The following ATE1 variants were observed in gnomAD, a reference collection of about 807,000 sequenced individuals.
The protein encoded by ATE1 is arginyltransferase 1.
A neutral mutation model predicts 70.5 loss-of-function variants in ATE1; 36 were observed. The ratio of observed to expected loss-of-function variants is 0.51; its 90% CI spans 0.39 to 0.67. ATE1 has a LOEUF of 0.67. Ranked by LOEUF, ATE1 falls within the 30% of genes least tolerant of loss-of-function variation. ATE1 has a pLI of 0.00. For missense variants in ATE1, 593 were observed against 629.5 expected (o/e 0.94, Z 0.62); for synonymous variants, 232 against 219.3 (o/e 1.06, Z -0.51).
chr10:121,927,239 G>A, intron 1 of ATE1: 2 of 985,346 alleles, frequency 2.0e-6, no homozygotes, highest in Non-Finnish European at 2.4e-6. Context: ...GGAAAGACAC[G>A]GCATATAAGC....
rs575134965 is a variant in ATE1 at position 121,911,491 on chromosome 10, T to C, written c.338-340A>G. Among the ~76,000 whole-genome samples the C allele has an allele frequency of 1.1e-4, 16 of 150,334 alleles. No homozygotes were observed. The South Asian group carries it at 3.4e-3, about 32-fold the overall frequency. ...ACTGTGGCGCCCTAGCAGGGCAATGTACTGCCAGTCCCTTTACAAGTGGTG... is the reference window on the plus strand; with the variant it reads ...ACTGTGGCGCCCTAGCAGGGCAATGCACTGCCAGTCCCTTTACAAGTGGTG... On this transcript the variant is annotated intron_variant, in intron 4 of 11. Coordinates refer to ENST00000224652, the MANE Select transcript of ATE1 (RefSeq NM_001001976.3).
rs1340024372 is a variant in ATE1, at chr10:121,928,002, C to G, written c.-53G>C. The G allele has an allele frequency of 1.0e-5, 14 of 1,392,766 alleles. No individual in the cohort carries two copies. Among genetic ancestry groups the G allele is most frequent in the Non-Finnish European group, 1.1e-5 (12 of 1,069,802 alleles). 86.3% of individuals were successfully genotyped at this position (1,392,766 alleles called of 1,614,324 possible). A position where few individuals can be genotyped will look rare whatever the true frequency, so the allele number is the denominator to read the frequency against. ...CCCGGCCCCGCGTCGCTAGCGCGGC[C>G]GCCGCCGCCACCCCACAATGCAGCG... On this transcript the variant is annotated 5_prime_UTR_variant, in exon 1 of 12. Transcript: ENST00000224652.
intron 1 of ATE1, chr10:121,927,102 TGGCAA>T: frequency 1.0e-6 from 1 of 985,396 alleles, no homozygotes; most frequent in Non-Finnish European, 1.2e-6. Flanking sequence ...GGCAAATGCA[TGGCAA>T]GAGAGGAAAT....
chr10:121,924,438 T>A (rs144846259), intron 1 of ATE1, 109 bp from the exon 2 acceptor site: 3 of 1,038,492 alleles, frequency 2.9e-6, no homozygotes, highest in East Asian at 2.6e-5. Flanking sequence ...CGGTGGCTCA[T>A]GCCTGTAATC....
chr10:121,867,463 A>G (rs1564910322), intron 8 of ATE1, among the ~76,000 whole-genome samples: 1 of 152,210 alleles, frequency 6.6e-6, no homozygotes, highest in Non-Finnish European at 1.5e-5. Context: ...GCAAAGCATT[A>G]TACATTATCA....
At chr10:121,829,455 A>C (rs1171056400) in intron 10 of ATE1, among the ~76,000 whole-genome samples, 3 of 151,564 alleles carry the variant, frequency 2.0e-5, no homozygotes, top group African/African-American at 7.3e-5. Flanking sequence ...AAAGAAAAAA[A>C]AAATCGCTCC....
chr10:121,843,195 G>T (rs1329115097), intron 8 of ATE1, among the ~76,000 whole-genome samples: 1 of 151,946 alleles, frequency 6.6e-6, no homozygotes, highest in Admixed American at 6.6e-5. Flanking sequence ...CTGGAATTTG[G>T]AATACCATTT....
chr10:121,902,555 T>G lies in ATE1; in HGVS notation c.649A>C (p.Arg217=). 3.1e-6 allele frequency: 5 copies of G among 1,614,170 alleles called. No homozygotes were observed. Among genetic ancestry groups the G allele is most frequent in the Non-Finnish European group, 4.2e-6 (5 of 1,180,026 alleles). ...KAKEIRKERK[R]LKLMQQNPAG... ...GGGTTCTGCTGCATTAGTTTTAACC[T>G]TTTCCTTTCTTTCCGGATTTCCTTT... is the stretch of plus-strand genomic sequence containing the variant. The change falls in exon 6 of 12, where the codon AGG becomes CGG. Residue 217 remains arginine (R), a synonymous_variant. Transcript: ENST00000224652.
At chr10:121,902,711 A>G in intron 5 of ATE1, 91 bp from the exon 6 acceptor site, 4 of 1,288,588 alleles carry the variant, frequency 3.1e-6, no homozygotes, top group Non-Finnish European at 4.3e-6. Flanking sequence ...GTAAGTCCAA[A>G]GAGTTTCAAT....
intron 1 of ATE1, among the ~76,000 whole-genome samples, chr10:121,926,321 T>TC (rs1412047539): frequency 6.6e-6 from 1 of 151,642 alleles, no homozygotes; most frequent in African/African-American, 2.4e-5. Flanking sequence ...GGCACTGGAG[T>TC]CCAACAGAAA....
intron 7 of ATE1, among the ~76,000 whole-genome samples, chr10:121,884,181 T>C (rs1950311052): frequency 6.6e-6 from 1 of 150,790 alleles, no homozygotes; most frequent in Non-Finnish European, 1.5e-5. Context: ...CATGTTACCT[T>C]AGGCAAATTA....
chr10:121,838,519 G>A (rs1277364690), intron 9 of ATE1, among the ~76,000 whole-genome samples: 1 of 152,098 alleles, frequency 6.6e-6, no homozygotes, highest in African/African-American at 2.4e-5. Context: ...ATTTTTACAT[G>A]ACTGATTCCT....
At chr10:121,863,227 T>C (rs1949538046) in intron 8 of ATE1, among the ~76,000 whole-genome samples, 2 of 147,164 alleles carry the variant, frequency 1.4e-5, no homozygotes, top group South Asian at 4.2e-4. Context: ...TGTCACTCTT[T>C]CTTCCAACTT....
chr10:121,868,715 G>C (rs1218478608), intron 8 of ATE1, among the ~76,000 whole-genome samples: 3 of 152,032 alleles, frequency 2.0e-5, no homozygotes, highest in African/African-American at 7.2e-5. Flanking sequence ...TCATTTCAAA[G>C]CCTAGACTCT....
At chr10:121,804,484 A>G (rs1440484676) in intron 10 of ATE1, among the ~76,000 whole-genome samples, 2 of 152,212 alleles carry the variant, frequency 1.3e-5, no homozygotes, top group African/African-American at 4.8e-5. Flanking sequence ...TTGAAGCTGA[A>G]ATCTACAACT....
chr10:121,880,947 G>C (rs1370233986), intron 7 of ATE1, among the ~76,000 whole-genome samples: 1 of 152,148 alleles, frequency 6.6e-6, no homozygotes, highest in Non-Finnish European at 1.5e-5. Context: ...GGCACTCACA[G>C]CAAAGTTGTT....
At chr10:121,789,051 G>A (rs974479634) in intron 11 of ATE1, among the ~76,000 whole-genome samples, 6 of 152,116 alleles carry the variant, frequency 3.9e-5, no homozygotes, top group African/African-American at 1.2e-4. Flanking sequence ...AAAAGCCTGT[G>A]GCATATATAG....
At chr10:121,866,612 A>C (rs1949671429) in intron 8 of ATE1, among the ~76,000 whole-genome samples, 1 of 151,994 alleles carries the variant, frequency 6.6e-6, no homozygotes, top group African/African-American at 2.4e-5. Flanking sequence ...CTTTGGGAGG[A>C]CCAGGCGGGT....
At chr10:121,746,889 TGA>T (rs1944394752) in intron 11 of ATE1, among the ~76,000 whole-genome samples, 1 of 152,288 alleles carries the variant, frequency 6.6e-6, no homozygotes, top group South Asian at 2.1e-4. Flanking sequence ...GACATCTAAA[TGA>T]GAGTGTTCCT....
Sources: gnomAD v4.1 joint callset for allele counts (sites outside exome capture counted in the v4.1 genomes callset) on GRCh38, gnomAD v4.1.1 for gene constraint, MANE v1.5 for transcripts, NCBI Gene and HGNC (gene_info 2026-07-23, HGNC 2026-07-21) for gene names.